TMEM272: variants seen among roughly 807,000 people sequenced by gnomAD.
The protein encoded by TMEM272 is transmembrane protein 272.
A neutral mutation model predicts 3.7 loss-of-function variants in TMEM272; 8 were observed. That is an observed-to-expected ratio of 2.17 (90% CI 1.27 to 3.91). The LOEUF (loss-of-function observed/expected upper bound fraction) is 3.91, where lower values mean the gene tolerates loss of function less well. Among genes scored for constraint, TMEM272 ranks in the 30% most tolerant of loss-of-function variants. The pLI, the probability that TMEM272 is intolerant of heterozygous loss-of-function variation, is 0.00. For synonymous variants in TMEM272, 63 were observed against 39.8 expected (o/e 1.58, Z -2.20); for missense variants, 166 against 91.5 (o/e 1.81, Z -3.32).
chr13:51,852,059 G>C, the TMEM272 span, among the ~76,000 whole-genome samples: 1 of 152,224 alleles, frequency 6.6e-6, no homozygotes, highest in Non-Finnish European at 1.5e-5. Context: ...AATTTTCTTA[G>C]TTTCTGACAA....
At chr13:51,917,710 A>T in the TMEM272 span, among the ~76,000 whole-genome samples, 1 of 152,202 alleles carries the variant, frequency 6.6e-6, no homozygotes, top group Non-Finnish European at 1.5e-5. Context: ...AACATCTCTG[A>T]GTTCACGTTT....
At chr13:51,839,146 G>C (rs1423498971) in intron 1 of TMEM272, among the ~76,000 whole-genome samples, 1 of 152,104 alleles carries the variant, frequency 6.6e-6, no homozygotes, top group Non-Finnish European at 1.5e-5. Context: ...CCTGGGTGGA[G>C]ACCCGAGCGG....
At chr13:51,828,584 C>T (rs1956146799) in intron 2 of TMEM272, among the ~76,000 whole-genome samples, 1 of 152,104 alleles carries the variant, frequency 6.6e-6, no homozygotes, top group Non-Finnish European at 1.5e-5. Flanking sequence ...ATAATGCTAT[C>T]ACCAGAGCCA....
chr13:51,920,245 T>C, the TMEM272 span, among the ~76,000 whole-genome samples: 1 of 152,164 alleles, frequency 6.6e-6, no homozygotes, highest in Admixed American at 6.5e-5. Flanking sequence ...TATAGAATAT[T>C]TGGTGTCATT....
intron 2 of TMEM272, among the ~76,000 whole-genome samples, chr13:51,830,703 C>T (rs1255960074): frequency 4.6e-5 from 7 of 152,268 alleles, no homozygotes; most frequent in African/African-American, 1.2e-4. Flanking sequence ...AATGAAGAAT[C>T]GAGAAAACAA....
chr13:51,824,315 T>C (rs891185671), intron 3 of TMEM272, among the ~76,000 whole-genome samples: 1 of 152,244 alleles, frequency 6.6e-6, no homozygotes, highest in African/African-American at 2.4e-5. Context: ...CCTAGTTCAG[T>C]TGATAACAAC....
chr13:51,827,267 G>C (rs972325871), intron 2 of TMEM272, among the ~76,000 whole-genome samples: 2 of 152,180 alleles, frequency 1.3e-5, no homozygotes, highest in African/African-American at 4.8e-5. Flanking sequence ...AGGAATGGGG[G>C]CTACACAGGC....
the TMEM272 span, among the ~76,000 whole-genome samples, chr13:51,924,443 G>C: frequency 6.6e-6 from 1 of 152,058 alleles, no homozygotes; most frequent in Non-Finnish European, 1.5e-5. Context: ...CCCAGGAGAG[G>C]GGGTGCTGGG....
chr13:51,879,016 G>A, the TMEM272 span, among the ~76,000 whole-genome samples: 1 of 152,138 alleles, frequency 6.6e-6, no homozygotes. Context: ...CTGTGCACGA[G>A]AAAAGCCACA....
chr13:51,931,200 T>C, the TMEM272 span, among the ~76,000 whole-genome samples: 1 of 151,722 alleles, frequency 6.6e-6, no homozygotes, highest in African/African-American at 2.4e-5. Context: ...AGTAAAGGCT[T>C]GGAACCAACG....
chr13:51,845,285 G>C (rs1037877521), upstream of TMEM272: 1 of 152,280 alleles, frequency 6.6e-6, no homozygotes, highest in Non-Finnish European at 1.5e-5. Context: ...GCCCGCAGGG[G>C]GGCAGCAGAG....
chr13:51,881,621 A>G, the TMEM272 span, among the ~76,000 whole-genome samples: 1 of 152,148 alleles, frequency 6.6e-6, no homozygotes, highest in African/African-American at 2.4e-5. Context: ...CTTAGCAGGA[A>G]GTGGGGTCTT....
chr13:51,820,882 G>C (rs1956072674), intron 4 of TMEM272, among the ~76,000 whole-genome samples: 1 of 152,168 alleles, frequency 6.6e-6, no homozygotes. Flanking sequence ...GTACATTTTA[G>C]GACACTGCCC....
Position 51,815,819 on chromosome 13 carries a change from A to G in TMEM272, c.*932T>C, listed in dbSNP as rs1039332341. On this transcript the variant is annotated 3_prime_UTR_variant, in exon 5 of 5. Coordinates refer to ENST00000629372, the MANE Select transcript of TMEM272 (RefSeq NM_001351003.2). ...GTCATCCTGGACTTCCAGACATCTC[A>G]ATTTACAAAAGGCTTCCAAAGCCTA... 2 of 152,224 alleles carry G rather than the reference A, an allele frequency of 1.3e-5. No homozygotes were observed. Among genetic ancestry groups the G allele is most frequent in the African/African-American group, 4.8e-5 (2 of 41,448 alleles). The allele number at this position is 152,224 out of a possible 1,614,324, so 9.4% of individuals were successfully genotyped here.
chr13:51,842,792 T>C (rs554739916), intron 1 of TMEM272, among the ~76,000 whole-genome samples: 1 of 152,376 alleles, frequency 6.6e-6, no homozygotes, highest in African/African-American at 2.4e-5. Flanking sequence ...CTGAATTATA[T>C]TTCACAGAGT....
the TMEM272 span, among the ~76,000 whole-genome samples, chr13:51,902,233 AGTTTCCCAGTTGCC>A: frequency 7.9e-5 from 12 of 152,238 alleles, no homozygotes; most frequent in Non-Finnish European, 1.6e-4. Context: ...TGTTGAAGAC[AGTTTCCCAGTTGCC>A]TTGTTACATT....
At chr13:51,880,372 T>C in the TMEM272 span, among the ~76,000 whole-genome samples, 2 of 152,040 alleles carry the variant, frequency 1.3e-5, no homozygotes, top group African/African-American at 4.8e-5. Flanking sequence ...ACCTGTATAA[T>C]TATGAGTCTC....
intron 1 of TMEM272, among the ~76,000 whole-genome samples, chr13:51,844,294 T>C (rs1471848436): frequency 8.6e-6 from 1 of 115,814 alleles, no homozygotes; most frequent in Non-Finnish European, 1.8e-5. Flanking sequence ...TAAATTAAAC[T>C]ATTTATTCCT....
chr13:51,908,138 A>G, the TMEM272 span: 2 of 532,086 alleles, frequency 3.8e-6, no homozygotes, highest in African/African-American at 1.9e-5. Flanking sequence ...AAGTGTAATC[A>G]CTGAAGTAAC....
Sources: gnomAD v4.1 joint callset for allele counts (sites outside exome capture counted in the v4.1 genomes callset) on GRCh38, gnomAD v4.1.1 for gene constraint, MANE v1.5 for transcripts, NCBI Gene and HGNC (gene_info 2026-07-23, HGNC 2026-07-21) for gene names.